ZNF703: variants seen among roughly 807,000 people sequenced by gnomAD.
The protein encoded by ZNF703 is zinc finger protein 703, also known as NocA-like zinc finger 1.
Under a neutral mutation model 30.7 loss-of-function variants are expected in ZNF703, and 18 were observed. The observed-to-expected ratio is 0.59, with a 90% CI of 0.40 to 0.87. The LOEUF (loss-of-function observed/expected upper bound fraction) is 0.87, where lower values mean the gene tolerates loss of function less well. ZNF703 is among the 40% of genes least tolerant of loss of function. The pLI, the probability that ZNF703 is intolerant of heterozygous loss-of-function variation, is 0.00. For synonymous variants in ZNF703, 457 were observed against 438.6 expected (o/e 1.04, Z -0.52); for missense variants, 814 against 847.8 (o/e 0.96, Z 0.50).
rs1397033329 is a variant in ZNF703, at chr8:37,699,850, C to G, written c.*1176C>G. Reference sequence around the variant, plus strand: ...GCCCCCGCCCTCTCCTAGGCCTGGCCCGGCAGAGCCCCCAGAGTGGACCCC... The same window carrying G: ...GCCCCCGCCCTCTCCTAGGCCTGGCGCGGCAGAGCCCCCAGAGTGGACCCC... On this transcript the variant is annotated 3_prime_UTR_variant, in exon 2 of 2. Coordinates refer to ENST00000331569, the MANE Select transcript of ZNF703 (RefSeq NM_025069.3). 6.6e-6 allele frequency: 1 copy of G among 152,236 alleles called. No individual in the cohort carries two copies. Among genetic ancestry groups the G allele is most frequent in the African/African-American group, 2.4e-5 (1 of 41,442 alleles). The allele number at this position is 152,236 out of a possible 1,614,324, so 9.4% of individuals were successfully genotyped here.
chr8:37,695,906 C>T lies in ZNF703; in HGVS notation c.-74C>T. The T allele has an allele frequency of 7.6e-7, 1 of 1,316,830 alleles. No individual in the cohort carries two copies. The highest frequency in any genetic ancestry group is 1.0e-6 in the Non-Finnish European group (1 of 1,002,818). The allele number at this position is 1,316,830 out of a possible 1,614,324, so 81.6% of individuals were successfully genotyped here. On this transcript the variant is annotated 5_prime_UTR_variant, in exon 1 of 2. Transcript: ENST00000331569. Reference sequence around the variant, plus strand: ...CGCGATCGACGCTGCGGAGCGAGCCCACCCGCCCCGGGAGCTCGCCTCCCC... The same window carrying T: ...CGCGATCGACGCTGCGGAGCGAGCCTACCCGCCCCGGGAGCTCGCCTCCCC...
Position 37,698,016 on chromosome 8 carries a change from T to A in ZNF703, c.1115T>A (p.Leu372Gln), listed in dbSNP as rs1029331080. Reference sequence around the variant, plus strand: ...ACCGGGGCCTCCCCGCCCTCCTTCCTGCAGGGATTATGCCGCGACCCCTAT... The same window carrying A: ...ACCGGGGCCTCCCCGCCCTCCTTCCAGCAGGGATTATGCCGCGACCCCTAT... ...PLTGASPPSFLQGLCRDPYCL... is the reference protein window; with the variant it reads ...PLTGASPPSFQQGLCRDPYCL... Residue 372 changes from leucine (L) to glutamine (Q), a missense_variant, in exon 2 of 2, where the codon CTG becomes CAG. By Grantham distance (113) the Leu-to-Gln change is moderately radical (BLOSUM62 -2). Coordinates refer to ENST00000331569, the MANE Select transcript of ZNF703 (RefSeq NM_025069.3). The A allele has an allele frequency of 6.4e-7, 1 of 1,557,172 alleles. No individual in the cohort carries two copies.
rs1305632769 is a variant in ZNF703, at chr8:37,698,155, C to T, written c.1254C>T (p.Tyr418=). Residue 418 remains tyrosine (Y), a synonymous_variant, in exon 2 of 2, where the codon TAC becomes TAT. Coordinates refer to ENST00000331569, the MANE Select transcript of ZNF703 (RefSeq NM_025069.3). ...SLKAGGYPLV[Y]PGHPLQPAAL... is the part of the protein sequence containing the mutation. ...AGGCGGGGGGCTACCCGCTGGTGTA[C>T]CCCGGGCACCCGCTGCAGCCCGCCG... is the stretch of plus-strand genomic sequence containing the variant. The T allele has an allele frequency of 6.6e-7, 1 of 1,509,572 alleles. No individual in the cohort carries two copies. Among genetic ancestry groups the T allele is most frequent in the Non-Finnish European group, 8.8e-7 (1 of 1,130,726 alleles). The allele number at this position is 1,509,572 out of a possible 1,614,324, so 93.5% of individuals were successfully genotyped here.
rs1239038052 is a variant in ZNF703, at chr8:37,698,412, G to C, written c.1511G>C (p.Gly504Ala). The change falls in exon 2 of 2, where the codon GGC becomes GCC. Residue 504 changes from glycine (G) to alanine (A), a missense_variant. Gly to Ala is a moderately conservative substitution (Grantham distance 60, BLOSUM62 0). Coordinates refer to ENST00000331569, the MANE Select transcript of ZNF703 (RefSeq NM_025069.3). ...LAAYPGASGL[G>A]SAAAAAAAAA... ...GCCTACCCCGGGGCCTCGGGCCTGG[G>C]CAGCGCCGCCGCCGCCGCCGCCGCC... The C allele has an allele frequency of 6.7e-7, 1 of 1,491,856 alleles. No individual in the cohort carries two copies. The highest frequency in any genetic ancestry group is 1.3e-5 in the South Asian group (1 of 77,368). The allele number at this position is 1,491,856 out of a possible 1,614,324, so 92.4% of individuals were successfully genotyped here.
In ZNF703 at chr8:37,697,134, G is replaced by A; in HGVS notation, c.244-11G>A. The A allele has an allele frequency of 2.6e-6, 4 of 1,534,284 alleles. No homozygotes were observed. The highest frequency in any genetic ancestry group is 1.2e-5 in the South Asian group (1 of 80,122). On this transcript the variant is annotated splice_polypyrimidine_tract_variant and intron_variant, in intron 1 of 1. Transcript: ENST00000331569. ...ACTCCTTCTCCCTCCCCCTGCTTCT[G>A]TCTCCCACAGCTGGACGCCAAGAAG...
chr8:37,695,938 C>G lies in ZNF703; in HGVS notation c.-42C>G. 1 of 1,351,828 alleles carries G rather than the reference C, an allele frequency of 7.4e-7. No homozygotes were observed. The highest frequency in any genetic ancestry group is 9.8e-7 in the Non-Finnish European group (1 of 1,016,024). 83.7% of individuals were successfully genotyped at this position (1,351,828 alleles called of 1,614,324 possible). On this transcript the variant is annotated 5_prime_UTR_variant, in exon 1 of 2. Coordinates refer to ENST00000331569, the MANE Select transcript of ZNF703 (RefSeq NM_025069.3). ...CCCGGGAGCTCGCCTCCCCGGTGCT[C>G]CCCCGCCCTCCCCGCCCCCCCAGCG... is the stretch of plus-strand genomic sequence containing the variant.
At position 37,696,554 on chromosome 8, in the gene ZNF703, G is replaced by GC. The variant is rs768871843; in HGVS notation, c.243+338dup. ...AGTTGGTCTCTGCTGGGTCTTCCCCGCCCCCCACGCCGGGCTGTTTTCTTT... is the reference window on the plus strand; with the variant it reads ...AGTTGGTCTCTGCTGGGTCTTCCCCGCCCCCCCACGCCGGGCTGTTTTCTTT... On this transcript the variant is annotated intron_variant, in intron 1 of 1. Coordinates refer to ENST00000331569, the MANE Select transcript of ZNF703 (RefSeq NM_025069.3). This position sits in a 1 kb window ranked among gnomAD's most constrained non-coding sequence, Gnocchi z 8.2. 9.1e-4 allele frequency among the ~76,000 whole-genome samples: 139 copies of GC among 152,180 alleles called. No homozygotes were observed. The highest frequency in any genetic ancestry group is 1.7e-3 in the Non-Finnish European group (118 of 67,984).
Position 37,699,225 on chromosome 8 carries a change from G to C in ZNF703, c.*551G>C, listed in dbSNP as rs1434898959. ...TTTGTTTTTTGTTTTGTTTTGTTTT[G>C]TTTTTTCCTTTGTTGTACAAGTAAC... On this transcript the variant is annotated 3_prime_UTR_variant, in exon 2 of 2. Transcript: ENST00000331569. The C allele has an allele frequency of 6.6e-6, 1 of 151,780 alleles. No individual in the cohort carries two copies. Among genetic ancestry groups the C allele is most frequent in the East Asian group, 1.9e-4 (1 of 5,170 alleles). 9.4% of individuals were successfully genotyped at this position (151,780 alleles called of 1,614,324 possible).
In ZNF703 at chr8:37,697,242, C is replaced by A. The variant is rs773227929; in HGVS notation, c.341C>A (p.Ala114Glu). ...CCCTCCTCCAAACTCAACTCGGTGGCGGCGGCGGCCAACGGGCTGGGAGCG... is the reference window on the plus strand; with the variant it reads ...CCCTCCTCCAAACTCAACTCGGTGGAGGCGGCGGCCAACGGGCTGGGAGCG... ...PPPSSKLNSV[A>E]AAANGLGAEK... Residue 114 changes from alanine (A) to glutamate (E), a missense_variant, in exon 2 of 2, where the codon GCG becomes GAG. By Grantham distance (107) the Ala-to-Glu change is moderately radical (BLOSUM62 -1). Coordinates refer to ENST00000331569, the MANE Select transcript of ZNF703 (RefSeq NM_025069.3). 2 of 1,591,786 alleles carry A rather than the reference C, an allele frequency of 1.3e-6. No individual in the cohort carries two copies. The highest frequency in any genetic ancestry group is 1.7e-6 in the Non-Finnish European group (2 of 1,171,546).
chr8:37,695,799 C>A lies in ZNF703; in HGVS notation c.-181C>A. 1.9e-6 allele frequency: 1 copy of A among 520,724 alleles called. No individual in the cohort carries two copies. The highest frequency in any genetic ancestry group is 3.2e-6 in the Non-Finnish European group (1 of 313,768). The allele number at this position is 520,724 out of a possible 1,614,324, so 32.3% of individuals were successfully genotyped here. On this transcript the variant is annotated 5_prime_UTR_variant, in exon 1 of 2. Transcript: ENST00000331569. ...AAGGCGAAGGTTTTTGTGTTGCTAG[C>A]CGGGGCCAGCGGCGGTGGCGGCGGC...
In ZNF703 at chr8:37,697,890, T is replaced by C. The variant is rs1802099513; in HGVS notation, c.989T>C (p.Phe330Ser). 8 of 1,555,260 alleles carry C rather than the reference T, an allele frequency of 5.1e-6. No individual in the cohort carries two copies. Among genetic ancestry groups the C allele is most frequent in the Non-Finnish European group, 6.9e-6 (8 of 1,156,680 alleles). ...GCCTACGCCGGCTACCCGTCTCAGT[T>C]CGTGCCTGGCCTGGATCCTAGCAAG... ...VGAYAGYPSQ[F>S]VPGLDPSKSG... is the part of the protein sequence containing the mutation. Residue 330 changes from phenylalanine to serine, a missense_variant, in exon 2 of 2, where the codon TTC becomes TCC. Phe to Ser is a radical substitution (Grantham distance 155, BLOSUM62 -2). Transcript: ENST00000331569.
Position 37,698,607 on chromosome 8 carries a change from C to G in ZNF703, c.1706C>G (p.Pro569Arg), listed in dbSNP as rs1420017503. ...GTGCCGTCCCTCCCCACAGCCGGACCCTACTATTCGCCATACGCGCTGTAT... is the reference window on the plus strand; with the variant it reads ...GTGCCGTCCCTCCCCACAGCCGGACGCTACTATTCGCCATACGCGCTGTAT... Reference protein sequence around the residue: ...LAVPSLPTAGPYYSPYALYGQ... With the variant: ...LAVPSLPTAGRYYSPYALYGQ... Residue 569 changes from proline to arginine, a missense_variant, in exon 2 of 2, where the codon CCC becomes CGC. Coordinates refer to ENST00000331569, the MANE Select transcript of ZNF703 (RefSeq NM_025069.3). The G allele has an allele frequency of 6.4e-7, 1 of 1,550,926 alleles. No homozygotes were observed.
At position 37,696,025 on chromosome 8, in the gene ZNF703, A is replaced by AGCGGAG; in HGVS notation, c.50_51insAGGCGG (p.Gly17_Ser18insGlyGly). 1 of 1,544,794 alleles carries AGCGGAG rather than the reference A, an allele frequency of 6.5e-7. No homozygotes were observed. The highest frequency in any genetic ancestry group is 8.7e-7 in the Non-Finnish European group (1 of 1,144,722). ...ATCTAACCCAAGGACACCCGAAAGCAGCGGCAGCGGCAGCGGCGGCGGCGG... is the reference window on the plus strand; with the variant it reads ...ATCTAACCCAAGGACACCCGAAAGCAGCGGAGGCGGCAGCGGCAGCGGCGGCGGCGG... On this transcript the variant is annotated inframe_insertion, in exon 1 of 2. Transcript: ENST00000331569. The surrounding 1 kb of genome is among the most constrained non-coding windows in gnomAD (Gnocchi z 8.2).
rs1802126040 is a variant in ZNF703 at position 37,699,092 on chromosome 8, C to T, written c.*418C>T. 1 of 161,982 alleles carries T rather than the reference C, an allele frequency of 6.2e-6. No individual in the cohort carries two copies. Among genetic ancestry groups the T allele is most frequent in the South Asian group, 2.0e-4 (1 of 4,918 alleles). 10.0% of individuals were successfully genotyped at this position (161,982 alleles called of 1,614,324 possible). On this transcript the variant is annotated 3_prime_UTR_variant, in exon 2 of 2. Coordinates refer to ENST00000331569, the MANE Select transcript of ZNF703 (RefSeq NM_025069.3). Reference sequence around the variant, plus strand: ...TCTTCTAGACGTTTTGTTTTCCCTTCCTGGGGAGTTTCTTGCATGAGTCTT... The same window carrying T: ...TCTTCTAGACGTTTTGTTTTCCCTTTCTGGGGAGTTTCTTGCATGAGTCTT...
Position 37,697,717 on chromosome 8 carries a change from C to A in ZNF703, c.816C>A (p.Ala272=). The change falls in exon 2 of 2, where the codon GCC becomes GCA. Residue 272 remains alanine (A), a synonymous_variant. Coordinates refer to ENST00000331569, the MANE Select transcript of ZNF703 (RefSeq NM_025069.3). Reference sequence around the variant, plus strand: ...GGGAGCCCGGGGCGCACGGTGGCGCCGAGTCCGGGGCCTCCGGGCGCAAGT... The same window carrying A: ...GGGAGCCCGGGGCGCACGGTGGCGCAGAGTCCGGGGCCTCCGGGCGCAAGT... The part of the protein sequence containing the change: ...GGGEPGAHGG[A]ESGASGRKSE... 7.3e-7 allele frequency: 1 copy of A among 1,368,680 alleles called. No homozygotes were observed. Among genetic ancestry groups the A allele is most frequent in the Non-Finnish European group, 9.3e-7 (1 of 1,069,922 alleles). The allele number at this position is 1,368,680 out of a possible 1,614,324, so 84.8% of individuals were successfully genotyped here.
rs1248491082 is a variant in ZNF703, at chr8:37,697,274, G to T, written c.373G>T (p.Asp125Tyr). 1.6e-5 allele frequency: 25 copies of T among 1,572,214 alleles called. No homozygotes were observed. The highest frequency in any genetic ancestry group is 2.1e-5 in the Non-Finnish European group (24 of 1,162,010). ...GGCCAACGGGCTGGGAGCGGAGAAG[G>T]ACCCCGGCCGCTCAGCCCCGGGCGC... ...AAANGLGAEK[D>Y]PGRSAPGAAS... is the part of the protein sequence containing the mutation. The change falls in exon 2 of 2, where the codon GAC becomes TAC. Residue 125 changes from aspartate (D) to tyrosine (Y), a missense_variant. Transcript: ENST00000331569.
Position 37,697,749 on chromosome 8 carries a change from C to A in ZNF703, c.848C>A (p.Pro283Gln). 1.4e-6 allele frequency: 2 copies of A among 1,437,780 alleles called. No individual in the cohort carries two copies. Among genetic ancestry groups the A allele is most frequent in the Non-Finnish European group, 1.8e-6 (2 of 1,100,780 alleles). 89.1% of individuals were successfully genotyped at this position (1,437,780 alleles called of 1,614,324 possible). A position where few individuals can be genotyped will look rare whatever the true frequency, so the allele number is the denominator to read the frequency against. ...ESGASGRKSE[P>Q]PSALVGAGHV... Reference sequence around the variant, plus strand: ...GGGGCCTCCGGGCGCAAGTCCGAGCCGCCCTCGGCGCTGGTGGGGGCCGGC... The same window carrying A: ...GGGGCCTCCGGGCGCAAGTCCGAGCAGCCCTCGGCGCTGGTGGGGGCCGGC... Residue 283 changes from proline to glutamine, a missense_variant, in exon 2 of 2, where the codon CCG becomes CAG. Transcript: ENST00000331569.
In ZNF703 at chr8:37,697,369, C is replaced by A; in HGVS notation, c.468C>A (p.Pro156=). 6.4e-7 allele frequency: 1 copy of A among 1,559,440 alleles called. No homozygotes were observed. The highest frequency in any genetic ancestry group is 2.4e-5 in the East Asian group (1 of 41,364). Residue 156 remains proline, a synonymous_variant, in exon 2 of 2, where the codon CCC becomes CCA. Transcript: ENST00000331569. ...CCGAGGACAAGTCCAGCTTCAAGCC[C>A]TACTCCAAGGGCTCCGGCGGCGGCG... ...SPAEDKSSFK[P]YSKGSGGGDS... is the part of the protein sequence containing the mutation.
rs770524172 is a variant in ZNF703, at chr8:37,697,385, G to C, written c.484G>C (p.Gly162Arg). 6.4e-7 allele frequency: 1 copy of C among 1,551,888 alleles called. No individual in the cohort carries two copies. Among genetic ancestry groups the C allele is most frequent in the Non-Finnish European group, 8.7e-7 (1 of 1,149,552 alleles). ...SSFKPYSKGSGGGDSRKDSGS... is the reference protein window; with the variant it reads ...SSFKPYSKGSRGGDSRKDSGS... ...CTTCAAGCCCTACTCCAAGGGCTCC[G>C]GCGGCGGCGACTCCCGCAAAGACAG... Residue 162 changes from glycine (G) to arginine (R), a missense_variant, in exon 2 of 2, where the codon GGC (glycine) becomes CGC (arginine). Transcript: ENST00000331569.
Sources: allele counts gnomAD v4.1 joint callset (sites outside exome capture counted in the v4.1 genomes callset), GRCh38; gene constraint gnomAD v4.1.1; non-coding constraint Gnocchi (gnomAD v3.1); transcripts MANE v1.5; gene names NCBI Gene and HGNC (gene_info 2026-07-23, HGNC 2026-07-21).